Variants in STRBP observed in about 807,000 individuals in gnomAD.
The protein encoded by STRBP is spermatid perinuclear RNA binding protein.
Under a neutral mutation model 80.1 loss-of-function variants are expected in STRBP, and 13 were observed. That is an observed-to-expected ratio of 0.16 (90% CI 0.11 to 0.26). The LOEUF (loss-of-function observed/expected upper bound fraction) is 0.26. Among genes scored for constraint, STRBP ranks in the 10% least tolerant of loss-of-function variants. STRBP has a pLI of 1.00. For missense variants in STRBP, 485 were observed against 815.2 expected (o/e 0.59, Z 4.93); for synonymous variants, 284 against 291.2 (o/e 0.98, Z 0.25).
intron 2 of STRBP, among the ~76,000 whole-genome samples, chr9:123,224,908 A>G (rs2040186864): frequency 6.6e-6 from 1 of 152,230 alleles, no homozygotes; most frequent in African/African-American, 2.4e-5. Context: ...AGGACGTGCA[A>G]ATATGTTCAT....
At chr9:123,226,262 G>C (rs1317616437) in intron 2 of STRBP, among the ~76,000 whole-genome samples, 1 of 152,126 alleles carries the variant, frequency 6.6e-6, no homozygotes, top group Non-Finnish European at 1.5e-5. Context: ...TGAAAGGAAC[G>C]TTTTGTAGTA....
At chr9:123,210,619 G>C (rs2039674895) in intron 2 of STRBP, among the ~76,000 whole-genome samples, 1 of 152,110 alleles carries the variant, frequency 6.6e-6, no homozygotes, top group Admixed American at 6.5e-5. Context: ...ACGAGGTCAG[G>C]AGTTCAAGAC....
intron 2 of STRBP, among the ~76,000 whole-genome samples, chr9:123,193,092 T>C (rs1255188439): frequency 6.6e-6 from 1 of 152,210 alleles, no homozygotes; most frequent in African/African-American, 2.4e-5. Context: ...ATCTCAAATC[T>C]ACCCCTCCAT....
chr9:123,158,321 C>T lies in STRBP; in HGVS notation c.933+11G>A. ...CACTAATAAGTCAGAGTGGCATGCT[C>T]AATCTTCTACCTGTGCACTGTGGGT... On this transcript the variant is annotated intron_variant, in intron 10 of 18. Transcript: ENST00000348403. The T allele has an allele frequency of 6.2e-7, 1 of 1,611,940 alleles. No individual in the cohort carries two copies. The highest frequency in any genetic ancestry group is 8.5e-7 in the Non-Finnish European group (1 of 1,178,388).
intron 11 of STRBP, among the ~76,000 whole-genome samples, chr9:123,156,738 ACT>A (rs1336104882): frequency 1.4e-4 from 22 of 151,760 alleles, no homozygotes; most frequent in Admixed American, 1.2e-3. Flanking sequence ...GATGTTGTAG[ACT>A]CTCTGAAAGT....
intron 11 of STRBP, among the ~76,000 whole-genome samples, chr9:123,152,143 A>T (rs2037083991): frequency 6.6e-6 from 1 of 152,212 alleles, no homozygotes; most frequent in Non-Finnish European, 1.5e-5. Flanking sequence ...AGGGAATCAG[A>T]TCCGTAATTT....
At chr9:123,119,255 A>G (rs1175507553), downstream of STRBP, among the ~76,000 whole-genome samples, 1 of 152,170 alleles carries the variant, frequency 6.6e-6, no homozygotes, top group Non-Finnish European at 1.5e-5. Flanking sequence ...CCTGAAGGTT[A>G]GATTCCGGAG....
intron 2 of STRBP, among the ~76,000 whole-genome samples, chr9:123,208,734 C>T (rs993630584): frequency 8.5e-5 from 13 of 152,202 alleles, no homozygotes; most frequent in South Asian, 4.1e-4. Flanking sequence ...TTAACATCCC[C>T]TAGCCACATA....
intron 1 of STRBP, among the ~76,000 whole-genome samples, chr9:123,239,055 A>C (rs2040635044): frequency 6.6e-6 from 1 of 152,218 alleles, no homozygotes; most frequent in African/African-American, 2.4e-5. Flanking sequence ...TAAAAATAAA[A>C]ATACATAAAA....
chr9:123,117,011 G>A (rs1308007409), downstream of STRBP, among the ~76,000 whole-genome samples: 2 of 152,168 alleles, frequency 1.3e-5, no homozygotes, highest in South Asian at 2.1e-4. Flanking sequence ...AATAAGCAGT[G>A]TGGTTTGGAG....
intron 2 of STRBP, among the ~76,000 whole-genome samples, chr9:123,234,457 T>C (rs2040492252): frequency 6.6e-6 from 1 of 151,970 alleles, no homozygotes; most frequent in South Asian, 2.1e-4. Flanking sequence ...GGATCCTTAC[T>C]TCCCAAAAAG....
intron 6 of STRBP, among the ~76,000 whole-genome samples, chr9:123,165,541 G>C (rs2037718958): frequency 6.6e-6 from 1 of 152,152 alleles, no homozygotes; most frequent in Non-Finnish European, 1.5e-5. Context: ...GTGTCTCTTA[G>C]TCTAAGCCAC....
chr9:123,243,249 T>C (rs1365039157), intron 1 of STRBP, among the ~76,000 whole-genome samples: 1 of 131,904 alleles, frequency 7.6e-6, no homozygotes, highest in Non-Finnish European at 1.5e-5. Flanking sequence ...GCTAGAGGAA[T>C]TAGACATCAA....
At chr9:123,260,782 A>G (rs185058060) in intron 1 of STRBP, among the ~76,000 whole-genome samples, 30 of 152,338 alleles carry the variant, frequency 2.0e-4, no homozygotes, top group Non-Finnish European at 3.5e-4. Flanking sequence ...AAATGCTGAT[A>G]ATTGGTGAAG....
At chr9:123,219,789 C>T (rs1197423909) in intron 2 of STRBP, among the ~76,000 whole-genome samples, 2 of 152,176 alleles carry the variant, frequency 1.3e-5, no homozygotes, top group African/African-American at 4.8e-5. Context: ...AACAATAAAA[C>T]CTGTATTTCA....
At chr9:123,239,491 C>A (rs1474251456) in intron 1 of STRBP, among the ~76,000 whole-genome samples, 1 of 152,158 alleles carries the variant, frequency 6.6e-6, no homozygotes, top group Non-Finnish European at 1.5e-5. Context: ...GTCCCAATGA[C>A]AAGCCTACTC....
Position 123,259,074 on chromosome 9 carries a change from A to AGG in STRBP, c.-302+9361_-302+9362insCC, listed in dbSNP as rs761493748. ...AAGGAGGAAAGGGCAAAAAAAAAAA[A>AGG]AGGGGGGGGGATTACTGCAATAATT... On this transcript the variant is annotated intron_variant, in intron 1 of 18. Coordinates refer to ENST00000348403, the MANE Select transcript of STRBP (RefSeq NM_018387.5). Among the ~76,000 whole-genome samples, 24 of 133,560 alleles carry AGG rather than the reference A, an allele frequency of 1.8e-4. 4 individuals are homozygous for AGG. The East Asian group carries it at 8.9e-3, about 50-fold the overall frequency. 87.6% of individuals were successfully genotyped at this position (133,560 alleles called of 152,430 possible).
chr9:123,170,025 G>T lies in STRBP; in HGVS notation c.412C>A (p.Gln138Lys). 1.9e-6 allele frequency: 3 copies of T among 1,606,566 alleles called. No individual in the cohort carries two copies. The highest frequency in any genetic ancestry group is 1.1e-5 in the South Asian group (1 of 89,102). The change falls in exon 6 of 19, where the codon CAA (glutamine) becomes AAA (lysine). Residue 138 changes from glutamine to lysine, a missense_variant. Coordinates refer to ENST00000348403, the MANE Select transcript of STRBP (RefSeq NM_018387.5). The part of the protein sequence containing the change: ...QIQKLTEEKY[Q>K]VEQCVNEASI... ...GCCTCATTTACACATTGTTCCACTT[G>T]ATATTTCTCTTCTGTGAGTTTCTGA... is the stretch of plus-strand genomic sequence containing the variant.
Position 123,136,645 on chromosome 9 carries a change from T to C in STRBP, c.1498-130A>G, listed in dbSNP as rs905670427. 2 of 1,072,846 alleles carry C rather than the reference T, an allele frequency of 1.9e-6. No individual in the cohort carries two copies. The highest frequency in any genetic ancestry group is 1.7e-5 in the South Asian group (1 of 57,432). The allele number at this position is 1,072,846 out of a possible 1,614,324, so 66.5% of individuals were successfully genotyped here. Reference sequence around the variant, plus strand: ...CAAAGCACTCAGGGGCTAGAATGAGTCACCTCTTTACACAAATGGCAAAAT... The same window carrying C: ...CAAAGCACTCAGGGGCTAGAATGAGCCACCTCTTTACACAAATGGCAAAAT... On this transcript the variant is annotated intron_variant, in intron 14 of 18. Coordinates refer to ENST00000348403, the MANE Select transcript of STRBP (RefSeq NM_018387.5). This position sits in a 1 kb window ranked among gnomAD's most constrained non-coding sequence, Gnocchi z 4.2.
Sources: gnomAD v4.1 joint callset for allele counts (sites outside exome capture counted in the v4.1 genomes callset) on GRCh38, gnomAD v4.1.1 for gene constraint, Gnocchi (gnomAD v3.1) non-coding constraint, MANE v1.5 for transcripts, NCBI Gene and HGNC (gene_info 2026-07-23, HGNC 2026-07-21) for gene names.